The following CSF2RA variants were observed in gnomAD, a reference collection of about 807,000 sequenced individuals.
CSF2RA encodes colony stimulating factor 2 receptor subunit alpha.
Under a neutral mutation model 51.6 loss-of-function variants are expected in CSF2RA, and 42 were observed. The observed-to-expected ratio is 0.81, with a 90% confidence interval of 0.64 to 1.05. The LOEUF is 1.05. Ranked by LOEUF, CSF2RA falls within the 50% of genes least tolerant of loss-of-function variation. The pLI, the probability that CSF2RA is intolerant of heterozygous loss-of-function variation, is 0.00. For missense variants in CSF2RA, 530 were observed against 501.1 expected, an observed-to-expected ratio of 1.06 and a Z score of -0.55; for synonymous variants, 222 against 193.0, an observed-to-expected ratio of 1.15 and a Z score of -1.24.
At chrX:1,314,931 T>G (rs1194154465), downstream of CSF2RA, among the ~76,000 whole-genome samples, 1 of 102,264 alleles carries the variant, frequency 9.8e-6, no homozygotes, top group South Asian at 3.5e-4. Flanking sequence ...CCAACCGCAC[T>G]GCACTTGCCC....
At chrX:1,278,577 C>T (rs1369652561) in intron 2 of CSF2RA, among the ~76,000 whole-genome samples, 1 of 142,326 alleles carries the variant, frequency 7.0e-6, no homozygotes. Flanking sequence ...GTCCCAGCTA[C>T]TCGGAGGCTG....
rs2088320439 is a variant in CSF2RA, at chrX:1,270,962, T to A, written c.-91+2083T>A. Among the ~76,000 whole-genome samples the A allele has an allele frequency of 2.2e-5, 3 of 139,258 alleles. No individual in the cohort carries two copies. The South Asian group carries it at 7.0e-4, about 33-fold the overall frequency. 91.4% of individuals were successfully genotyped at this position (139,258 alleles called of 152,430 possible). ...AAGGCTGAGGTGACAGAGGATTGCT[T>A]GAGGCCACAGCAATTCCAGACCAGC... On this transcript the variant is annotated intron_variant, in intron 1 of 12. Coordinates refer to ENST00000381529, the MANE Select transcript of CSF2RA (RefSeq NM_172245.4).
intron 9 of CSF2RA, among the ~76,000 whole-genome samples, chrX:1,298,784 A>C (rs2092173227): frequency 6.6e-6 from 1 of 151,476 alleles, no homozygotes; most frequent in African/African-American, 2.4e-5. Context: ...TCCCCTACCC[A>C]CGACCTATGT....
intron 4 of CSF2RA, 134 bp downstream of exon 4, chrX:1,286,054 C>T (rs769275092): frequency 6.4e-6 from 6 of 931,796 alleles, no homozygotes; most frequent in Non-Finnish European, 1.1e-5. Context: ...GGGCGGATCA[C>T]CTGAGGTCGG....
Position 1,291,568 on chromosome X carries a change from A to G in CSF2RA, c.646+1059A>G, listed in dbSNP as rs1365165152. 7.9e-5 allele frequency among the ~76,000 whole-genome samples: 12 copies of G among 151,682 alleles called. 1 individual carries two copies. The highest frequency in any genetic ancestry group is 6.3e-4 in the South Asian group (3 of 4,776). ...CAAGCCCACCGCATCCCACCCGTGG[A>G]CTCCTTCATCCCGTTGGACGTTCCC... is the stretch of plus-strand genomic sequence containing the variant. On this transcript the variant is annotated intron_variant, in intron 7 of 12. Coordinates refer to ENST00000381529, the MANE Select transcript of CSF2RA (RefSeq NM_172245.4).
chrX:1,315,769 TAATAGATAGATAGATA>T, the CSF2RA span, among the ~76,000 whole-genome samples: 33 of 112,896 alleles, frequency 2.9e-4, no homozygotes, highest in African/African-American at 1.1e-3. Context: ...ATAAAATAGA[TAATAGATAGATAGATA>T]GATAGATAGA....
At chrX:1,314,668 ACTTGCCCAACCCCTCTGTG>A (rs1374164226), downstream of CSF2RA, among the ~76,000 whole-genome samples, 2 of 1,166 alleles carry the variant, frequency 1.7e-3, 1 homozygote. Context: ...ACTGCACTGC[ACTTGCCCAACCCCTCTGTG>A]CCTGCCCAAC....
chrX:1,303,409 AT>A (rs751772385), intron 10 of CSF2RA: 4,683 of 366,274 alleles, frequency 0.013, no homozygotes, highest in Middle Eastern at 0.018. Context: ...CTAATTTTGT[AT>A]TTTTTTTTTA....
At chrX:1,313,709 C>G (rs34241825), downstream of CSF2RA, among the ~76,000 whole-genome samples, 142 of 150,890 alleles carry the variant, frequency 9.4e-4, 1 homozygote, top group African/African-American at 3.2e-3. Flanking sequence ...GGAGCTGTGG[C>G]CAGGCACAGT....
downstream of CSF2RA, among the ~76,000 whole-genome samples, chrX:1,314,556 C>CAAAGGAAGAGCAATGCAGACA (rs2084414174): frequency 1.0e-5 from 1 of 98,294 alleles, no homozygotes; most frequent in African/African-American, 4.1e-5. Flanking sequence ...CCCACTGCAC[C>CAAAGGAAGAGCAATGCAGACA]TGCCCAATCC....
At chrX:1,269,289 G>A (rs1359229478) in intron 1 of CSF2RA, among the ~76,000 whole-genome samples, 2 of 152,090 alleles carry the variant, frequency 1.3e-5, no homozygotes, top group African/African-American at 2.4e-5. Flanking sequence ...ATTATCACGT[G>A]AATTCACAGC....
rs865812023 is a variant in CSF2RA, at chrX:1,307,404, G to A, written c.1125+1877G>A. Among the ~76,000 whole-genome samples the A allele has an allele frequency of 3.7e-3, 525 of 141,488 alleles. 11 individuals are homozygous for A. Among genetic ancestry groups the A allele is most frequent in the African/African-American group, 0.014 (490 of 36,032 alleles). 92.8% of individuals were successfully genotyped at this position (141,488 alleles called of 152,430 possible). A position where few individuals can be genotyped will look rare whatever the true frequency, so the allele number is the denominator to read the frequency against. ...GCCCACCATTCCCCTTTAGACCTTC[G>A]ACTGATCAGATGAAGCCCACCCTTC... On this transcript the variant is annotated intron_variant, in intron 12 of 12. Coordinates refer to ENST00000381529, the MANE Select transcript of CSF2RA (RefSeq NM_172245.4).
chrX:1,270,392 C>T (rs1400634362), intron 1 of CSF2RA, among the ~76,000 whole-genome samples: 3 of 151,940 alleles, frequency 2.0e-5, no homozygotes, highest in Non-Finnish European at 2.9e-5. Flanking sequence ...GCAAATGCCA[C>T]CATTCCTGGC....
the CSF2RA span, among the ~76,000 whole-genome samples, chrX:1,324,444 AAG>A: frequency 2.8e-5 from 2 of 72,610 alleles, no homozygotes; most frequent in Non-Finnish European, 7.8e-5. Context: ...AGAGAGAAAA[AAG>A]AAAGAAAAAG....
At chrX:1,293,502 A>G (rs1390375215) in intron 7 of CSF2RA, among the ~76,000 whole-genome samples, 2 of 141,562 alleles carry the variant, frequency 1.4e-5, no homozygotes, top group African/African-American at 5.2e-5. Context: ...TACAGGCGTG[A>G]GCCACCGCGC....
At chrX:1,318,109 C>T in the CSF2RA span, among the ~76,000 whole-genome samples, 8 of 151,738 alleles carry the variant, frequency 5.3e-5, no homozygotes, top group African/African-American at 1.9e-4. Flanking sequence ...CTGTCTCAGC[C>T]TCCCGAGTAG....
intron 1 of CSF2RA, among the ~76,000 whole-genome samples, chrX:1,274,208 A>G (rs1442934768): frequency 6.6e-6 from 1 of 152,130 alleles, no homozygotes; most frequent in Non-Finnish European, 1.5e-5. Context: ...CAGTCCATTT[A>G]GAAAGTTCAT....
At chrX:1,305,754 G>A in intron 12 of CSF2RA, 9 of 1,551,726 alleles carry the variant, frequency 5.8e-6, no homozygotes, top group Non-Finnish European at 7.8e-6. Flanking sequence ...AGGAGAAACT[G>A]AGGCAGGGTG....
At chrX:1,285,728 A>T in intron 3 of CSF2RA, 50 bp from the exon 4 acceptor site, 3 of 991,440 alleles carry the variant, frequency 3.0e-6, no homozygotes, top group Non-Finnish European at 2.9e-6. Context: ...AAAAAAAAAA[A>T]AAAGGAAAAG....
Sources: allele counts gnomAD v4.1 joint callset (sites outside exome capture counted in the v4.1 genomes callset), GRCh38; gene constraint gnomAD v4.1.1; transcripts MANE v1.5; gene names NCBI Gene and HGNC (gene_info 2026-07-23, HGNC 2026-07-21).